The following USP16 variants were observed in gnomAD, a reference collection of about 807,000 sequenced individuals.
USP16 encodes the protein ubiquitin specific peptidase 16, also known as ubiquitin carboxyl-terminal hydrolase 16.
A neutral mutation model predicts 95.9 loss-of-function variants in USP16; 77 were observed. That is an observed-to-expected ratio of 0.80 (90% CI 0.67 to 0.97). The LOEUF is 0.97. Among genes scored for constraint, USP16 ranks in the 50% least tolerant of loss-of-function variants. The probability of loss-of-function intolerance (pLI) is 0.00; values close to 1 mark genes in which losing one functional copy is unlikely to be tolerated. For synonymous variants in USP16, 303 were observed against 318.2 expected (o/e 0.95, Z 0.51); for missense variants, 943 against 959.9 (o/e 0.98, Z 0.23).
chr21:29,046,674 G>T lies in USP16; in HGVS notation c.1364G>T (p.Arg455Leu), dbSNP rs755644897. ...KQAKKQAKNQ[R>L]RQQKIQGKVL... is the part of the protein sequence containing the mutation. ...CGTATACTTTTTACCCAGAACCAAC[G>T]AAGACAACAAAAAATTCAAGGAAAA... is the stretch of plus-strand genomic sequence containing the variant. Residue 455 changes from arginine to leucine, a missense_variant, in exon 14 of 18, where the codon CGA (arginine) becomes CTA (leucine). Transcript: ENST00000399976. 2 of 1,601,666 alleles carry T rather than the reference G, an allele frequency of 1.2e-6. No homozygotes were observed. Among genetic ancestry groups the T allele is most frequent in the Non-Finnish European group, 1.7e-6 (2 of 1,175,014 alleles).
chr21:29,029,878 T>C (rs911691125), intron 2 of USP16, among the ~76,000 whole-genome samples: 22 of 152,202 alleles, frequency 1.4e-4, no homozygotes, highest in African/African-American at 5.3e-4. Context: ...AAATCTTAGT[T>C]TTCTCATTTG....
At chr21:29,053,698 A>C (rs1423626216) in intron 16 of USP16, 104 bp from the exon 17 acceptor site, 1 of 1,201,168 alleles carries the variant, frequency 8.3e-7, no homozygotes, top group Non-Finnish European at 1.2e-6. Flanking sequence ...CTGCACTCTC[A>C]AAGTAATGGT....
At position 29,037,153 on chromosome 21, in the gene USP16, G is replaced by A. The variant is rs537596225; in HGVS notation, c.449-123G>A. 14 of 542,528 alleles carry A rather than the reference G, an allele frequency of 2.6e-5. No individual in the cohort carries two copies. In the South Asian group the frequency reaches 6.8e-4, roughly 26 times the overall value. The allele number at this position is 542,528 out of a possible 1,614,324, so 33.6% of individuals were successfully genotyped here. On this transcript the variant is annotated intron_variant, in intron 5 of 17. Coordinates refer to ENST00000399976, the MANE Select transcript of USP16 (RefSeq NM_006447.3). ...CCTGTATCTATTTAAAATCAAATGG[G>A]TGGGTGGGTTGGAAAGAATGACTTC... is the stretch of plus-strand genomic sequence containing the variant.
chr21:29,028,807 G>A (rs2085033459), intron 2 of USP16, among the ~76,000 whole-genome samples: 1 of 152,104 alleles, frequency 6.6e-6, no homozygotes, highest in Admixed American at 6.5e-5. Context: ...AATTTATTTA[G>A]ATAATTTTCT....
At chr21:29,045,824 T>G (rs1006804586) in intron 13 of USP16, among the ~76,000 whole-genome samples, 16 of 152,126 alleles carry the variant, frequency 1.1e-4, no homozygotes, top group African/African-American at 2.7e-4. Context: ...TTCTTTTTTT[T>G]GGGAACAGAG....
rs111946054 is a variant in USP16 at position 29,034,650 on chromosome 21, A to G, written c.241-187A>G. The stretch of plus-strand genomic sequence containing the variant: ...GTTTTCTAAATACTTGTTGACTTAA[A>G]TGTTCTCAGTTGCCTGTGCATATGT... On this transcript the variant is annotated intron_variant, in intron 3 of 17. Transcript: ENST00000399976. 5.2e-3 allele frequency among the ~76,000 whole-genome samples: 796 copies of G among 152,244 alleles called. 7 individuals are homozygous for G. The highest frequency in any genetic ancestry group is 0.018 in the African/African-American group (757 of 41,534).
chr21:29,047,643 C>T (rs760659507), intron 14 of USP16, among the ~76,000 whole-genome samples: 39 of 152,060 alleles, frequency 2.6e-4, no homozygotes, highest in Non-Finnish European at 3.5e-4. Flanking sequence ...GCACCCAGGA[C>T]GCCACACTTG....
At position 29,037,342 on chromosome 21, in the gene USP16, AAG is replaced by A; in HGVS notation, c.523_524del (p.Glu175LysfsTer7). On this transcript the variant is annotated frameshift_variant, in exon 6 of 18. Coordinates refer to ENST00000399976, the MANE Select transcript of USP16 (RefSeq NM_006447.3). LOFTEE classifies it high-confidence loss of function. ...TTAGAAAAAGAGAGTAAGAATGAAC[AAG>A]AGAGAGAAAAGAAGGAAAACATGGC... is the stretch of plus-strand genomic sequence containing the variant. 1.9e-6 allele frequency: 3 copies of A among 1,598,630 alleles called. No homozygotes were observed. Among genetic ancestry groups the A allele is most frequent in the Non-Finnish European group, 2.6e-6 (3 of 1,169,064 alleles).
At chr21:29,036,454 G>A in intron 5 of USP16, 80 bp downstream of exon 5, 4 of 1,296,880 alleles carry the variant, frequency 3.1e-6, no homozygotes, top group East Asian at 2.4e-5. Context: ...ATACTACCTA[G>A]CATTACATAC....
In USP16 at chr21:29,053,948, T is replaced by C; in HGVS notation, c.2340T>C (p.Asp780=). 6.2e-7 allele frequency: 1 copy of C among 1,614,210 alleles called. No homozygotes were observed. Among genetic ancestry groups the C allele is most frequent in the Non-Finnish European group, 8.5e-7 (1 of 1,180,028 alleles). The part of the protein sequence containing the change: ...SHLSNLVLHG[D]IPQDFEMESK... ...TCTCTAATCTTGTTCTTCACGGTGA[T>C]ATTCCACAAGGTAAGATGTCTTGGA... The change falls in exon 17 of 18, where the codon GAT becomes GAC. Residue 780 remains aspartate, a synonymous_variant. Transcript: ENST00000399976.
chr21:29,028,032 A>G, intron 2 of USP16, 58 bp downstream of exon 2: 1 of 1,336,878 alleles, frequency 7.5e-7, no homozygotes, highest in South Asian at 1.2e-5. Flanking sequence ...ATGTTTTAAA[A>G]TGTAAAAATG....
chr21:29,042,035 G>A lies in USP16; in HGVS notation c.1053G>A (p.Met351Ile), dbSNP rs2146382910. ...KVKDYEKKKS[M>I]PSFVDRIFGG... is the part of the protein sequence containing the mutation. The stretch of plus-strand genomic sequence containing the variant: ...TAGATTATGAGAAGAAAAAATCAAT[G>A]CCAAGTTTTGTTGACCGCATCTTTG... The change falls in exon 11 of 18, where the codon ATG becomes ATA. Residue 351 changes from methionine to isoleucine, a missense_variant. Met to Ile is a conservative substitution (Grantham distance 10, BLOSUM62 1). Transcript: ENST00000399976. 2 of 1,613,022 alleles carry A rather than the reference G, an allele frequency of 1.2e-6. No homozygotes were observed. The highest frequency in any genetic ancestry group is 1.7e-6 in the Non-Finnish European group (2 of 1,179,482).
chr21:29,041,894 G>C, intron 10 of USP16, 119 bp from the exon 11 acceptor site: 1 of 786,040 alleles, frequency 1.3e-6, no homozygotes, highest in Non-Finnish European at 2.0e-6. Flanking sequence ...GAAGAAGTCT[G>C]TGGGACAGGA....
intron 2 of USP16, 140 bp from the exon 3 acceptor site, chr21:29,030,455 C>A (rs777461538): frequency 2.5e-5 from 18 of 710,988 alleles, no homozygotes; most frequent in Middle Eastern, 4.5e-4. Context: ...AAATATCAAA[C>A]AATTTTAAGT....
Position 29,030,860 on chromosome 21 carries a change from A to T in USP16, c.240+87A>T. Reference sequence around the variant, plus strand: ...GGTATTACCTGAAAGTACAGTATGGATAAAAGGATACTAGTAACATAGATC... The same window carrying T: ...GGTATTACCTGAAAGTACAGTATGGTTAAAAGGATACTAGTAACATAGATC... On this transcript the variant is annotated intron_variant, in intron 3 of 17. Transcript: ENST00000399976. 5.0e-6 allele frequency: 7 copies of T among 1,413,116 alleles called. 1 individual carries two copies. The South Asian group carries it at 1.0e-4, about 20-fold the overall frequency. The allele number at this position is 1,413,116 out of a possible 1,614,324, so 87.5% of individuals were successfully genotyped here.
At chr21:29,028,518 C>A (rs1455982394) in intron 2 of USP16, among the ~76,000 whole-genome samples, 1 of 152,088 alleles carries the variant, frequency 6.6e-6, no homozygotes, top group Non-Finnish European at 1.5e-5. Flanking sequence ...TCACTGCAGC[C>A]TTTGCCTTGA....
rs909291670 is a variant in USP16 at position 29,043,532 on chromosome 21, A to C, written c.1289A>C (p.Asp430Ala). 2 of 1,600,724 alleles carry C rather than the reference A, an allele frequency of 1.2e-6. No individual in the cohort carries two copies. Among genetic ancestry groups the C allele is most frequent in the Non-Finnish European group, 1.7e-6 (2 of 1,175,134 alleles). The change falls in exon 13 of 18, where the codon GAT (aspartate) becomes GCT (alanine). Residue 430 changes from aspartate to alanine, a missense_variant. Coordinates refer to ENST00000399976, the MANE Select transcript of USP16 (RefSeq NM_006447.3). Reference protein sequence around the residue: ...DNDSYIKERSDIPSGTSKHLQ... With the variant: ...DNDSYIKERSAIPSGTSKHLQ... ...GACAGTTACATAAAAGAGAGAAGTG[A>C]TATTCCTTCTGGAACAAGTAAGCAC...
At chr21:29,034,260 C>T (rs554063474) in intron 3 of USP16, among the ~76,000 whole-genome samples, 1 of 151,012 alleles carries the variant, frequency 6.6e-6, no homozygotes, top group South Asian at 2.1e-4. Context: ...TTAATCTGGG[C>T]TGGAAAGTTG....
chr21:29,038,996 G>A, intron 7 of USP16, 30 bp from the exon 8 acceptor site: 1 of 1,465,262 alleles, frequency 6.8e-7, no homozygotes, highest in Non-Finnish European at 9.0e-7. Context: ...GAATTTGACT[G>A]AAGAAAGTAA....
Sources: gnomAD v4.1 joint callset for allele counts (sites outside exome capture counted in the v4.1 genomes callset) on GRCh38, gnomAD v4.1.1 for gene constraint, MANE v1.5 for transcripts, NCBI Gene and HGNC (gene_info 2026-07-23, HGNC 2026-07-21) for gene names.